CFTR: variants seen among roughly 807,000 people sequenced by gnomAD.
CFTR encodes CF transmembrane conductance regulator, also known as cystic fibrosis transmembrane conductance regulator.
A neutral mutation model predicts 171.6 loss-of-function variants in CFTR; 181 were observed. The ratio of observed to expected loss-of-function variants is 1.05; its 90% CI spans 0.93 to 1.19. The LOEUF (loss-of-function observed/expected upper bound fraction) is 1.19, where lower values mean the gene tolerates loss of function less well. Ranked by LOEUF, CFTR falls within the 50% of genes most tolerant of loss-of-function variation. The pLI is 0.00. For synonymous variants in CFTR, 583 were observed against 608.0 expected (o/e 0.96, Z 0.60); for missense variants, 1,968 against 1,734.7 (o/e 1.13, Z -2.39).
At chr7:117,508,812 G>A (rs1798463971) in intron 2 of CFTR, among the ~76,000 whole-genome samples, 1 of 152,172 alleles carries the variant, frequency 6.6e-6, no homozygotes, top group South Asian at 2.1e-4. Context: ...GCCTTTTCAT[G>A]AAATCAATTC....
At chr7:117,649,521 T>A (rs993753589) in intron 23 of CFTR, among the ~76,000 whole-genome samples, 211 of 146,200 alleles carry the variant, frequency 1.4e-3, no homozygotes, top group South Asian at 3.6e-3. Flanking sequence ...ATATATATAT[T>A]TTTTTTTTCC....
intron 1 of CFTR, among the ~76,000 whole-genome samples, chr7:117,491,619 T>C (rs1798161005): frequency 1.3e-5 from 2 of 152,018 alleles, no homozygotes; most frequent in African/African-American, 4.8e-5. Flanking sequence ...ATCACCCTGA[T>C]CTCTGTTTTC....
intron 6 of CFTR, 145 bp downstream of exon 6, chr7:117,535,556 G>C: frequency 3.1e-6 from 2 of 642,224 alleles, no homozygotes; most frequent in Admixed American, 6.1e-5. Context: ...TTGAGACAGA[G>C]TCTAGATCTG....
chr7:117,667,654 G>A lies in CFTR; in HGVS notation c.*546G>A, dbSNP rs756595615. 5.3e-6 allele frequency: 1 copy of A among 190,206 alleles called. No homozygotes were observed. Among genetic ancestry groups the A allele is most frequent in the East Asian group, 1.3e-4 (1 of 7,788 alleles). 11.8% of individuals were successfully genotyped at this position (190,206 alleles called of 1,614,324 possible). A position where few individuals can be genotyped will look rare whatever the true frequency, so the allele number is the denominator to read the frequency against. On this transcript the variant is annotated 3_prime_UTR_variant, in exon 27 of 27. Coordinates refer to ENST00000003084, the MANE Select transcript of CFTR (RefSeq NM_000492.4). ...TTCCAACTATCTCATTTCCAAGCAA[G>A]TATTAGAATACCACAGGAACCACAA... is the stretch of plus-strand genomic sequence containing the variant.
intron 3 of CFTR, among the ~76,000 whole-genome samples, chr7:117,513,055 G>A (rs905755147): frequency 1.3e-5 from 2 of 152,148 alleles, no homozygotes; most frequent in African/African-American, 2.4e-5. Context: ...CAAGCCTACT[G>A]CTAATATGGG....
intron 24 of CFTR, among the ~76,000 whole-genome samples, chr7:117,659,948 G>A (rs1370549467): frequency 6.6e-6 from 1 of 151,674 alleles, no homozygotes; most frequent in African/African-American, 2.4e-5. Flanking sequence ...TGTCACAAGA[G>A]CAAACTCTTG....
chr7:117,524,898 A>G (rs1798750165), intron 3 of CFTR, among the ~76,000 whole-genome samples: 1 of 152,264 alleles, frequency 6.6e-6, no homozygotes, highest in Admixed American at 6.5e-5. Flanking sequence ...TGTAAAAAGC[A>G]CAGTAGGATG....
rs553688297 is a variant in CFTR, at chr7:117,653,718, A to G, written c.3963+787A>G. ...TGCAAAATACATTCATTCCATCCCA[A>G]TAGCCCCCAAAGTCTTAACTTGTTC... On this transcript the variant is annotated intron_variant, in intron 24 of 26. Transcript: ENST00000003084. Among the ~76,000 whole-genome samples, 10 of 152,250 alleles carry G rather than the reference A, an allele frequency of 6.6e-5. No homozygotes were observed. The East Asian group carries it at 1.7e-3, about 26-fold the overall frequency.
intron 3 of CFTR, among the ~76,000 whole-genome samples, chr7:117,519,815 T>C (rs1042693941): frequency 2.0e-5 from 3 of 151,984 alleles, no homozygotes; most frequent in African/African-American, 7.2e-5. Context: ...TTCCTCATCA[T>C]TGAGTATGTA....
intron 23 of CFTR, among the ~76,000 whole-genome samples, chr7:117,648,851 C>T (rs1215386284): frequency 6.6e-6 from 1 of 151,998 alleles, no homozygotes; most frequent in African/African-American, 2.4e-5. Flanking sequence ...AATGAAATAC[C>T]TAATTGTATG....
chr7:117,610,630 C>T lies in CFTR; in HGVS notation c.3100C>T (p.Leu1034Phe), dbSNP rs1554392043. The T allele has an allele frequency of 3.7e-6, 6 of 1,613,502 alleles. No homozygotes were observed. The highest frequency in any genetic ancestry group is 1.7e-4 in the Middle Eastern group (1 of 6,058). ...TTTTATTATGTTGAGAGCATATTTC[C>T]TCCAAACCTCACAGCAACTCAAACA... ...VAFIMLRAYF[L>F]QTSQQLKQLE... The change falls in exon 19 of 27, where the codon CTC (leucine) becomes TTC (phenylalanine). Residue 1034 changes from leucine to phenylalanine, a missense_variant. By Grantham distance (22) the Leu-to-Phe change is conservative. Coordinates refer to ENST00000003084, the MANE Select transcript of CFTR (RefSeq NM_000492.4).
At chr7:117,664,618 TA>T in intron 24 of CFTR, 69 bp from the exon 25 acceptor site, 1 of 1,422,002 alleles carries the variant, frequency 7.0e-7, no homozygotes, top group East Asian at 2.3e-5. Context: ...CTCCTGTGTT[TA>T]TTTTTAGAAT....
chr7:117,503,715 A>G (rs1373198260), intron 1 of CFTR, among the ~76,000 whole-genome samples: 1 of 152,214 alleles, frequency 6.6e-6, no homozygotes, highest in African/African-American at 2.4e-5. Context: ...ATGATAATTA[A>G]GTCAACAAAT....
At chr7:117,519,114 G>A (rs1243007837) in intron 3 of CFTR, among the ~76,000 whole-genome samples, 1 of 151,982 alleles carries the variant, frequency 6.6e-6, no homozygotes, top group African/African-American at 2.4e-5. Flanking sequence ...AAAGCATTTT[G>A]AATTAGTCAT....
intron 9 of CFTR, among the ~76,000 whole-genome samples, chr7:117,542,568 T>C (rs1248960181): frequency 6.6e-6 from 1 of 151,846 alleles, no homozygotes; most frequent in African/African-American, 2.4e-5. Flanking sequence ...AAAATAAAAA[T>C]AAAAATAAAA....
chr7:117,610,748 T>A (rs1792373083), intron 19 of CFTR, 79 bp downstream of exon 19: 3 of 1,503,712 alleles, frequency 2.0e-6, no homozygotes, highest in Non-Finnish European at 2.7e-6. Flanking sequence ...TTAATCTACT[T>A]AAAAAAAATT....
At chr7:117,563,186 G>A (rs1791545192) in intron 11 of CFTR, among the ~76,000 whole-genome samples, 1 of 152,118 alleles carries the variant, frequency 6.6e-6, no homozygotes, top group Non-Finnish European at 1.5e-5. Flanking sequence ...ACCTTGCTAT[G>A]TCTTTAGTTT....
intron 24 of CFTR, among the ~76,000 whole-genome samples, chr7:117,660,053 T>G (rs1207529425): frequency 6.6e-6 from 1 of 152,092 alleles, no homozygotes; most frequent in Non-Finnish European, 1.5e-5. Context: ...TAGTTTAACA[T>G]GTTACAAAAC....
At chr7:117,503,405 G>T (rs958386579) in intron 1 of CFTR, among the ~76,000 whole-genome samples, 1 of 152,096 alleles carries the variant, frequency 6.6e-6, no homozygotes, top group African/African-American at 2.4e-5. Flanking sequence ...ATTTTATTTA[G>T]AAATTTCTCT....
Sources: allele counts gnomAD v4.1 joint callset (sites outside exome capture counted in the v4.1 genomes callset), GRCh38; gene constraint gnomAD v4.1.1; transcripts MANE v1.5; gene names NCBI Gene and HGNC (gene_info 2026-07-23, HGNC 2026-07-21).